Variants in CDK14 observed in about 807,000 individuals in gnomAD.
CDK14 encodes cyclin dependent kinase 14.
Under a neutral mutation model 60.7 loss-of-function variants are expected in CDK14, and 34 were observed. That is an observed-to-expected ratio of 0.56 (90% CI 0.43 to 0.75). The LOEUF is 0.75. CDK14 is among the 30% of genes least tolerant of loss of function. The pLI is 0.00. For synonymous variants in CDK14, 197 were observed against 203.7 expected, an observed-to-expected ratio of 0.97 and a Z score of 0.28; for missense variants, 482 against 564.1, an observed-to-expected ratio of 0.85 and a Z score of 1.47.
intron 11 of CDK14, among the ~76,000 whole-genome samples, chr7:91,058,733 C>G (rs200369376): frequency 1.3e-5 from 2 of 152,212 alleles, no homozygotes; most frequent in African/African-American, 4.8e-5. Flanking sequence ...TTGAACCAGC[C>G]TTGCATCCCA....
intron 2 of CDK14, among the ~76,000 whole-genome samples, chr7:90,705,360 T>G (rs1801874666): frequency 6.6e-6 from 1 of 152,066 alleles, no homozygotes; most frequent in East Asian, 1.9e-4. Flanking sequence ...AAGATAAAGA[T>G]AGAAAAAAAG....
intron 11 of CDK14, among the ~76,000 whole-genome samples, chr7:91,070,212 T>C (rs1798098179): frequency 6.6e-6 from 1 of 152,212 alleles, no homozygotes; most frequent in Non-Finnish European, 1.5e-5. Flanking sequence ...GCTAGAACAC[T>C]TACCACTTTC....
intron 6 of CDK14, among the ~76,000 whole-genome samples, chr7:90,876,489 A>G (rs979344651): frequency 6.6e-6 from 1 of 152,258 alleles, no homozygotes; most frequent in Non-Finnish European, 1.5e-5. Context: ...TTCGACTTCC[A>G]TATATAGACT....
At chr7:90,599,248 A>T (rs1799264245) in intron 1 of CDK14, among the ~76,000 whole-genome samples, 1 of 152,258 alleles carries the variant, frequency 6.6e-6, no homozygotes, top group African/African-American at 2.4e-5. Context: ...AGACTCAGTA[A>T]ACGTTCAAGA....
intron 2 of CDK14, among the ~76,000 whole-genome samples, chr7:90,638,341 C>G (rs1800213763): frequency 6.6e-6 from 1 of 152,086 alleles, no homozygotes; most frequent in South Asian, 2.1e-4. Flanking sequence ...GACAAAATCT[C>G]TCATCATTTG....
intron 14 of CDK14, among the ~76,000 whole-genome samples, chr7:91,148,164 G>A (rs1343768217): frequency 6.6e-6 from 1 of 152,074 alleles, no homozygotes; most frequent in Non-Finnish European, 1.5e-5. Flanking sequence ...CACACCTTGA[G>A]CCCAGCAGTT....
At chr7:90,796,663 G>T (rs1338571127) in intron 5 of CDK14, among the ~76,000 whole-genome samples, 1 of 151,796 alleles carries the variant, frequency 6.6e-6, no homozygotes, top group Non-Finnish European at 1.5e-5. Context: ...CTTGTCTAAG[G>T]AGCAGGATCT....
chr7:90,974,357 C>T lies in CDK14; in HGVS notation c.948-9791C>T, dbSNP rs147783474. Among the ~76,000 whole-genome samples the T allele has an allele frequency of 3.8e-4, 58 of 152,138 alleles. 1 individual carries two copies. In the East Asian group the frequency reaches 9.9e-3, roughly 26 times the overall value. Reference sequence around the variant, plus strand: ...ACGCAATCATCACAGGGTCCTGAGGCGACATACATCCTCAGCTTATGAAGA... The same window carrying T: ...ACGCAATCATCACAGGGTCCTGAGGTGACATACATCCTCAGCTTATGAAGA... On this transcript the variant is annotated intron_variant, in intron 9 of 14. Coordinates refer to ENST00000380050, the MANE Select transcript of CDK14 (RefSeq NM_001287135.2).
At chr7:90,856,262 T>A (rs1160225690) in intron 5 of CDK14, among the ~76,000 whole-genome samples, 1 of 152,214 alleles carries the variant, frequency 6.6e-6, no homozygotes, top group African/African-American at 2.4e-5. Context: ...TAGAGTTGGC[T>A]ATGACCTCTT....
At chr7:91,193,064 C>T (rs1479383395) in intron 14 of CDK14, among the ~76,000 whole-genome samples, 1 of 152,124 alleles carries the variant, frequency 6.6e-6, no homozygotes, top group Non-Finnish European at 1.5e-5. Context: ...CCTTATTACC[C>T]CACAACAAGG....
At chr7:90,647,046 T>C (rs1259853147) in intron 2 of CDK14, among the ~76,000 whole-genome samples, 1 of 152,236 alleles carries the variant, frequency 6.6e-6, no homozygotes, top group Admixed American at 6.5e-5. Flanking sequence ...AAATATATGC[T>C]TTACTAGTTA....
intron 5 of CDK14, among the ~76,000 whole-genome samples, chr7:90,796,884 C>T (rs757741699): frequency 5.9e-5 from 9 of 151,664 alleles, no homozygotes; most frequent in Non-Finnish European, 1.3e-4. Context: ...TTTGTGGAAG[C>T]GAATGTTGAG....
chr7:90,664,904 G>C (rs1429293578), intron 2 of CDK14, among the ~76,000 whole-genome samples: 1 of 152,014 alleles, frequency 6.6e-6, no homozygotes. Context: ...CAAACCTGCA[G>C]ATTGTGCACA....
intron 6 of CDK14, among the ~76,000 whole-genome samples, chr7:90,886,354 A>G (rs992280969): frequency 2.0e-5 from 3 of 152,224 alleles, no homozygotes; most frequent in African/African-American, 7.2e-5. Context: ...TTTGAAGTAA[A>G]TATTGAGAGA....
At chr7:90,645,812 AG>A (rs1435541937) in intron 2 of CDK14, among the ~76,000 whole-genome samples, 1 of 152,240 alleles carries the variant, frequency 6.6e-6, no homozygotes, top group African/African-American at 2.4e-5. Flanking sequence ...AAGGAGAAAA[AG>A]AGAAAAAAGA....
chr7:90,640,413 T>C (rs1800297833), intron 2 of CDK14, among the ~76,000 whole-genome samples: 1 of 152,132 alleles, frequency 6.6e-6, no homozygotes, highest in African/African-American at 2.4e-5. Flanking sequence ...TTTTAAAGTA[T>C]GTATGAAATT....
At chr7:90,740,321 T>C (rs1803295655) in intron 3 of CDK14, among the ~76,000 whole-genome samples, 1 of 151,526 alleles carries the variant, frequency 6.6e-6, no homozygotes, top group African/African-American at 2.4e-5. Flanking sequence ...TGTGTGTGTG[T>C]GTTATGGGCT....
At chr7:90,666,226 G>C (rs1049897100) in intron 2 of CDK14, 2 of 152,094 alleles carry the variant, frequency 1.3e-5, no homozygotes. Context: ...TTCTTGTTTT[G>C]TTTCCAGGCC....
intron 14 of CDK14, among the ~76,000 whole-genome samples, chr7:91,173,804 C>G (rs1801617944): frequency 6.6e-6 from 1 of 152,214 alleles, no homozygotes; most frequent in Admixed American, 6.5e-5. Flanking sequence ...TCGGAGGGTC[C>G]TACGCCCACG....
Sources: gnomAD v4.1 joint callset for allele counts (sites outside exome capture counted in the v4.1 genomes callset) on GRCh38, gnomAD v4.1.1 for gene constraint, MANE v1.5 for transcripts, NCBI Gene and HGNC (gene_info 2026-07-23, HGNC 2026-07-21) for gene names.